Variants in NR3C1 observed in about 807,000 individuals in gnomAD.
NR3C1 encodes the protein glucocorticoid receptor.
In NR3C1, 14 loss-of-function variants were observed where a neutral mutation model predicts 74.0. The ratio of observed to expected loss-of-function variants is 0.19; its 90% confidence interval spans 0.12 to 0.30. The LOEUF (loss-of-function observed/expected upper bound fraction) is 0.30. NR3C1 is among the 10% of genes least tolerant of loss of function. NR3C1 has a pLI of 1.00. For synonymous variants in NR3C1, 308 were observed against 332.5 expected (o/e 0.93, Z 0.80); for missense variants, 695 against 909.8 (o/e 0.76, Z 3.04).
chr5:143,369,202 T>C (rs1187936285), intron 2 of NR3C1, among the ~76,000 whole-genome samples: 1 of 152,148 alleles, frequency 6.6e-6, no homozygotes, highest in African/African-American at 2.4e-5. Context: ...TTAATAAATA[T>C]AGGCAAGGAC....
intron 1 of NR3C1, among the ~76,000 whole-genome samples, chr5:143,419,197 C>T (rs1254209525): frequency 1.3e-5 from 2 of 152,168 alleles, no homozygotes; most frequent in Non-Finnish European, 2.9e-5. Flanking sequence ...CTGTCGGAAG[C>T]ATTTTGGATA....
At chr5:143,285,297 G>A (rs1238154827) in intron 7 of NR3C1, among the ~76,000 whole-genome samples, 1 of 152,122 alleles carries the variant, frequency 6.6e-6, no homozygotes, top group Admixed American at 6.6e-5. Context: ...CCAGAAAAAA[G>A]GCTACATAGA....
At chr5:143,308,467 AAAT>A (rs1237896231) in intron 4 of NR3C1, among the ~76,000 whole-genome samples, 3 of 152,120 alleles carry the variant, frequency 2.0e-5, no homozygotes, top group Non-Finnish European at 4.4e-5. Context: ...TCTGTCTCTA[AAAT>A]AATAATAATC....
chr5:143,285,078 G>C (rs1412672636), intron 7 of NR3C1, among the ~76,000 whole-genome samples: 1 of 135,842 alleles, frequency 7.4e-6, no homozygotes, highest in Non-Finnish European at 1.6e-5. Context: ...CCAGAAATCT[G>C]TACAATTTAT....
intron 2 of NR3C1, among the ~76,000 whole-genome samples, chr5:143,397,119 T>C (rs10041520): frequency 0.53 from 79,902 of 151,508 alleles, 21,600 homozygotes; most frequent in East Asian, 0.76. Context: ...AATTCAATGT[T>C]GTGGTGGAAG....
At chr5:143,328,247 A>T (rs919293015) in intron 2 of NR3C1, among the ~76,000 whole-genome samples, 4 of 152,208 alleles carry the variant, frequency 2.6e-5, no homozygotes, top group Admixed American at 6.5e-5. Context: ...CTGGAGCTGG[A>T]GCATCAGGGA....
At chr5:143,373,691 G>C (rs577669140) in intron 2 of NR3C1, among the ~76,000 whole-genome samples, 1,931 of 151,766 alleles carry the variant, frequency 0.013, 47 homozygotes, top group African/African-American at 0.044. Flanking sequence ...TATTATTTAG[G>C]GATATGTAGA....
intron 7 of NR3C1, among the ~76,000 whole-genome samples, chr5:143,290,835 T>C (rs1403313291): frequency 1.3e-5 from 2 of 150,120 alleles, no homozygotes; most frequent in Non-Finnish European, 2.9e-5. Flanking sequence ...GTGCTGGGAT[T>C]ATAGGTGTGA....
intron 2 of NR3C1, among the ~76,000 whole-genome samples, chr5:143,384,745 C>T (rs75059753): frequency 2.7e-3 from 412 of 152,344 alleles, no homozygotes; most frequent in South Asian, 4.6e-3. Flanking sequence ...GACCCTGCAG[C>T]TGCTTTCACA....
chr5:143,389,381 C>CT (rs1040519094), intron 2 of NR3C1, among the ~76,000 whole-genome samples: 3 of 152,180 alleles, frequency 2.0e-5, no homozygotes, highest in Admixed American at 2.0e-4. Context: ...AGTTCTTCCA[C>CT]TTACGAACAT....
At chr5:143,291,551 T>G (rs998711976) in intron 7 of NR3C1, among the ~76,000 whole-genome samples, 1 of 105,562 alleles carries the variant, frequency 9.5e-6, no homozygotes, top group Non-Finnish European at 2.3e-5. Flanking sequence ...AATTTTTTAG[T>G]GAGCATCTGG....
intron 2 of NR3C1, among the ~76,000 whole-genome samples, chr5:143,393,216 C>A (rs1440503128): frequency 1.3e-5 from 2 of 152,116 alleles, no homozygotes; most frequent in African/African-American, 4.8e-5. Flanking sequence ...ACCAAATCTG[C>A]ATTCACATCT....
intron 2 of NR3C1, among the ~76,000 whole-genome samples, chr5:143,335,869 C>T (rs1425703306): frequency 2.0e-5 from 3 of 152,220 alleles, no homozygotes; most frequent in South Asian, 4.1e-4. Flanking sequence ...CTAGAAGGGA[C>T]TGGAAAGCCG....
At chr5:143,324,573 A>C (rs1473415581) in intron 2 of NR3C1, among the ~76,000 whole-genome samples, 2 of 152,174 alleles carry the variant, frequency 1.3e-5, no homozygotes, top group African/African-American at 4.8e-5. Context: ...TGACATGGCC[A>C]TGGAGACATT....
intron 2 of NR3C1, among the ~76,000 whole-genome samples, chr5:143,391,695 C>G (rs892695173): frequency 6.6e-6 from 1 of 151,540 alleles, no homozygotes; most frequent in African/African-American, 2.4e-5. Context: ...AATAATAAAA[C>G]TGAAAAAAAA....
At chr5:143,337,320 C>T (rs972756422) in intron 2 of NR3C1, among the ~76,000 whole-genome samples, 10 of 152,076 alleles carry the variant, frequency 6.6e-5, no homozygotes, top group Admixed American at 1.3e-4. Flanking sequence ...AACTTACATA[C>T]CCATCAGACT....
chr5:143,388,941 G>A (rs1837746872), intron 2 of NR3C1, among the ~76,000 whole-genome samples: 1 of 152,108 alleles, frequency 6.6e-6, no homozygotes, highest in South Asian at 2.1e-4. Flanking sequence ...GTCTCCTGTT[G>A]GCTCATTCCT....
intron 5 of NR3C1, among the ~76,000 whole-genome samples, 193 bp from the exon 6 acceptor site, chr5:143,299,005 G>GTTTTTTTTTTTT (rs35039262): frequency 9.4e-6 from 1 of 106,728 alleles, no homozygotes; most frequent in Non-Finnish European, 1.9e-5. Context: ...ACCCTCTTGT[G>GTTTTTTTTTTTT]TTTTTTTTTT....
intron 1 of NR3C1, among the ~76,000 whole-genome samples, chr5:143,431,623 C>A (rs529331563): frequency 6.6e-6 from 1 of 151,914 alleles, no homozygotes; most frequent in Non-Finnish European, 1.5e-5. Context: ...TGTAACAAAC[C>A]GGCACGTTCT....
Sources: allele counts gnomAD v4.1 joint callset (sites outside exome capture counted in the v4.1 genomes callset), GRCh38; gene constraint gnomAD v4.1.1; transcripts MANE v1.5; gene names NCBI Gene and HGNC (gene_info 2026-07-23, HGNC 2026-07-21).